ELMO1: variants seen among roughly 807,000 people sequenced by gnomAD.
ELMO1 encodes engulfment and cell motility protein 1.
Under a neutral mutation model 98.9 loss-of-function variants are expected in ELMO1, and 26 were observed. That is an observed-to-expected ratio of 0.26 (90% CI 0.19 to 0.36). The LOEUF (loss-of-function observed/expected upper bound fraction) is 0.36. ELMO1 is among the 10% of genes least tolerant of loss of function. The pLI, the probability that ELMO1 is intolerant of heterozygous loss-of-function variation, is 1.00. For missense variants in ELMO1, 627 were observed against 935.2 expected (o/e 0.67, Z 4.30); for synonymous variants, 346 against 346.0 (o/e 1.00, Z 0.00).
chr7:37,429,573 G>C (rs911579783), intron 1 of ELMO1: 1 of 152,306 alleles, frequency 6.6e-6, no homozygotes, highest in African/African-American at 2.4e-5. Flanking sequence ...AGTGGGCAGA[G>C]CACAGAGGAT....
chr7:37,089,987 A>C (rs1483950041), intron 15 of ELMO1, among the ~76,000 whole-genome samples: 1 of 152,198 alleles, frequency 6.6e-6, no homozygotes. Flanking sequence ...TCAGCCAAGA[A>C]AACACGAGAG....
At chr7:37,397,511 C>G (rs1803347341) in intron 1 of ELMO1, among the ~76,000 whole-genome samples, 1 of 152,156 alleles carries the variant, frequency 6.6e-6, no homozygotes, top group African/African-American at 2.4e-5. Flanking sequence ...CAGCTGGACC[C>G]CTCAGATCTA....
At chr7:36,974,417 C>T (rs1489769301) in intron 16 of ELMO1, among the ~76,000 whole-genome samples, 1 of 152,154 alleles carries the variant, frequency 6.6e-6, no homozygotes, top group Non-Finnish European at 1.5e-5. Flanking sequence ...TTTGTAAGCA[C>T]ACCAATCAGC....
intron 2 of ELMO1, among the ~76,000 whole-genome samples, chr7:37,320,842 A>T (rs1015297379): frequency 6.6e-6 from 1 of 152,162 alleles, no homozygotes; most frequent in Admixed American, 6.5e-5. Flanking sequence ...AAAAAAGCCA[A>T]CTATTTTTAA....
Position 37,125,856 on chromosome 7 carries a change from A to G in ELMO1, c.1191+7274T>C, listed in dbSNP as rs145956025. On this transcript the variant is annotated intron_variant, in intron 14 of 21. Coordinates refer to ENST00000310758, the MANE Select transcript of ELMO1 (RefSeq NM_014800.11). Reference sequence around the variant, plus strand: ...TAAAGACACATGCAGACGTATGTTTATTGTGGCACTATTCACAATAGGAAA... The same window carrying G: ...TAAAGACACATGCAGACGTATGTTTGTTGTGGCACTATTCACAATAGGAAA... Among the ~76,000 whole-genome samples, 1,013 of 152,338 alleles carry G rather than the reference A, an allele frequency of 6.6e-3. 10 individuals are homozygous for G. The highest frequency in any genetic ancestry group is 0.023 in the African/African-American group (960 of 41,572).
chr7:37,048,937 C>T (rs1795948590), intron 15 of ELMO1, among the ~76,000 whole-genome samples: 1 of 152,134 alleles, frequency 6.6e-6, no homozygotes, highest in African/African-American at 2.4e-5. Context: ...GACATGAAAA[C>T]AGAATGGAAA....
intron 1 of ELMO1, among the ~76,000 whole-genome samples, chr7:37,391,646 A>G (rs1269951707): frequency 1.3e-5 from 2 of 152,172 alleles, no homozygotes; most frequent in Non-Finnish European, 2.9e-5. Flanking sequence ...GTGGGTCTCT[A>G]GCCACTGAGC....
intron 17 of ELMO1, among the ~76,000 whole-genome samples, chr7:36,891,018 C>T (rs577747733): frequency 1.3e-5 from 2 of 152,334 alleles, no homozygotes; most frequent in South Asian, 2.1e-4. Context: ...ACCCACATGG[C>T]CTGCTCCCTT....
intron 13 of ELMO1, among the ~76,000 whole-genome samples, chr7:37,159,469 G>C (rs1008306244): frequency 2.6e-5 from 4 of 152,140 alleles, no homozygotes; most frequent in Admixed American, 1.3e-4. Flanking sequence ...GGGAGGCCGA[G>C]GTGGGTGGAT....
chr7:36,970,394 G>T (rs1374295878), intron 16 of ELMO1, among the ~76,000 whole-genome samples: 1 of 152,176 alleles, frequency 6.6e-6, no homozygotes, highest in Non-Finnish European at 1.5e-5. Context: ...TAACCTGGTT[G>T]GGAAAACCAT....
intron 1 of ELMO1, among the ~76,000 whole-genome samples, chr7:37,390,729 T>C (rs1247883641): frequency 6.6e-6 from 1 of 152,210 alleles, no homozygotes; most frequent in African/African-American, 2.4e-5. Flanking sequence ...CTCCGCTCTT[T>C]GAGACTTATA....
intron 6 of ELMO1, among the ~76,000 whole-genome samples, chr7:37,256,253 C>T (rs775890458): frequency 2.0e-5 from 3 of 152,016 alleles, no homozygotes; most frequent in Non-Finnish European, 4.4e-5. Flanking sequence ...GCAGAGGTTT[C>T]GTCATCCTTG....
At chr7:37,422,274 G>C (rs1413315493) in intron 1 of ELMO1, among the ~76,000 whole-genome samples, 1 of 152,212 alleles carries the variant, frequency 6.6e-6, no homozygotes, top group African/African-American at 2.4e-5. Flanking sequence ...ATGGGGAAAT[G>C]AGCCTGCGTT....
intron 13 of ELMO1, among the ~76,000 whole-genome samples, chr7:37,151,219 G>A (rs1209771738): frequency 1.3e-5 from 2 of 152,228 alleles, no homozygotes; most frequent in Admixed American, 6.5e-5. Context: ...CCTCCAGGGT[G>A]TTTGCCCAAC....
intron 15 of ELMO1, among the ~76,000 whole-genome samples, chr7:37,092,668 T>A (rs893222623): frequency 6.6e-6 from 1 of 152,108 alleles, no homozygotes; most frequent in African/African-American, 2.4e-5. Flanking sequence ...AGCCAACACA[T>A]CCGGCCCTAA....
At chr7:37,083,908 G>A (rs1007470104) in intron 15 of ELMO1, among the ~76,000 whole-genome samples, 1 of 152,178 alleles carries the variant, frequency 6.6e-6, no homozygotes, top group Non-Finnish European at 1.5e-5. Context: ...CTGGAGTCCT[G>A]CCTAGAACAG....
chr7:37,235,660 C>T (rs1794419677), intron 7 of ELMO1, among the ~76,000 whole-genome samples: 1 of 152,194 alleles, frequency 6.6e-6, no homozygotes, highest in Non-Finnish European at 1.5e-5. Context: ...TAGCCTAGTG[C>T]CGTGGTTCAT....
chr7:36,977,659 G>C (rs765753036), intron 16 of ELMO1, among the ~76,000 whole-genome samples: 48 of 152,224 alleles, frequency 3.2e-4, no homozygotes, highest in Non-Finnish European at 6.2e-4. Context: ...GTGAAACTAG[G>C]ATAGCTACAC....
intron 1 of ELMO1, among the ~76,000 whole-genome samples, chr7:37,421,275 C>T (rs1804459708): frequency 6.6e-6 from 1 of 152,198 alleles, no homozygotes; most frequent in African/African-American, 2.4e-5. Context: ...TGCCAAGTTT[C>T]CTCTCAAATA....
Sources: allele counts gnomAD v4.1 joint callset (sites outside exome capture counted in the v4.1 genomes callset), GRCh38; gene constraint gnomAD v4.1.1; transcripts MANE v1.5; gene names NCBI Gene and HGNC (gene_info 2026-07-23, HGNC 2026-07-21).